The following CFDP1 variants were observed in gnomAD, a reference collection of about 807,000 sequenced individuals.
CFDP1 encodes chromatin remodeling protein CFDP1, also known as heterochromatin-stabilizing protein CFDP1.
CFDP1 carries 31 observed loss-of-function variants against 40.1 expected under a neutral mutation model. The ratio of observed to expected loss-of-function variants is 0.77; its 90% CI spans 0.58 to 1.04. The LOEUF is 1.04. Ranked by LOEUF, CFDP1 falls within the 50% of genes least tolerant of loss-of-function variation. The pLI is 0.00. For synonymous variants in CFDP1, 167 were observed against 120.0 expected, an observed-to-expected ratio of 1.39 and a Z score of -2.56; for missense variants, 423 against 343.4, an observed-to-expected ratio of 1.23 and a Z score of -1.83.
intron 5 of CFDP1, among the ~76,000 whole-genome samples, chr16:75,339,896 A>T (rs968776020): frequency 6.6e-6 from 1 of 152,190 alleles, no homozygotes; most frequent in Non-Finnish European, 1.5e-5. Flanking sequence ...TTCCTTAAAA[A>T]TCTTTAAATG....
chr16:75,412,573 C>T lies in CFDP1; in HGVS notation c.364G>A (p.Gly122Arg). 1 of 1,614,104 alleles carries T rather than the reference C, an allele frequency of 6.2e-7. No homozygotes were observed. The highest frequency in any genetic ancestry group is 1.3e-5 in the African/African-American group (1 of 75,040). The change falls in exon 3 of 7, where the codon GGA (glycine) becomes AGA (arginine). Residue 122 changes from glycine to arginine, a missense_variant. By Grantham distance (125) the Gly-to-Arg change is moderately radical (BLOSUM62 -2). Transcript: ENST00000283882. ...ELWASFLNDVGPKSKVPPSTQ... is the reference protein window; with the variant it reads ...ELWASFLNDVRPKSKVPPSTQ... ...CTTGGGGGCACTTTTGATTTTGGTC[C>T]CACATCATTGAGGAAGCTGGCCCAG...
At chr16:75,363,636 G>T (rs8060955) in intron 5 of CFDP1, among the ~76,000 whole-genome samples, 78,693 of 151,814 alleles carry the variant, frequency 0.52, 21,470 homozygotes, top group Admixed American at 0.64. Context: ...CCTCAAATGA[G>T]CCACCCACCT....
chr16:75,367,833 G>A (rs1286185080), intron 5 of CFDP1, among the ~76,000 whole-genome samples: 4 of 150,774 alleles, frequency 2.7e-5, no homozygotes, highest in Admixed American at 1.3e-4. Flanking sequence ...GACCGGATAT[G>A]GTGGCTCACG....
chr16:75,395,650 C>T (rs2078990376), intron 4 of CFDP1, among the ~76,000 whole-genome samples: 1 of 152,006 alleles, frequency 6.6e-6, no homozygotes, highest in African/African-American at 2.4e-5. Flanking sequence ...CAGCACGAGA[C>T]ACCGTCTCAA....
At chr16:75,397,160 C>A (rs1432252057) in intron 4 of CFDP1, among the ~76,000 whole-genome samples, 2 of 151,690 alleles carry the variant, frequency 1.3e-5, no homozygotes, top group Admixed American at 1.3e-4. Flanking sequence ...GTGATCTGCC[C>A]GCCTTGGCCT....
At chr16:75,384,444 G>A (rs974011243) in intron 5 of CFDP1, among the ~76,000 whole-genome samples, 5 of 152,118 alleles carry the variant, frequency 3.3e-5, no homozygotes, top group South Asian at 2.1e-4. Context: ...TACAATGATC[G>A]TGGAGAAATG....
chr16:75,363,530 G>C (rs2151533315), intron 5 of CFDP1, among the ~76,000 whole-genome samples: 2 of 151,916 alleles, frequency 1.3e-5, no homozygotes, highest in South Asian at 2.1e-4. Context: ...CGAGTAGCTG[G>C]GATTATAGGT....
intron 5 of CFDP1, among the ~76,000 whole-genome samples, chr16:75,362,053 A>G (rs2078683173): frequency 6.6e-6 from 1 of 152,208 alleles, no homozygotes; most frequent in Non-Finnish European, 1.5e-5. Flanking sequence ...GAAGTTATTC[A>G]TTCGGAGATG....
intron 5 of CFDP1, among the ~76,000 whole-genome samples, chr16:75,346,440 G>C (rs1319835258): frequency 6.6e-6 from 1 of 151,586 alleles, no homozygotes; most frequent in Admixed American, 6.6e-5. Context: ...AAAATTAGCC[G>C]GGCGTGGTGG....
At chr16:75,413,293 G>A (rs923215558) in intron 2 of CFDP1, among the ~76,000 whole-genome samples, 11 of 152,152 alleles carry the variant, frequency 7.2e-5, no homozygotes, top group African/African-American at 2.4e-4. Context: ...GACAGGCCAG[G>A]CGCAGTGGCT....
chr16:75,364,041 T>C (rs1449478639), intron 5 of CFDP1, among the ~76,000 whole-genome samples: 1 of 151,546 alleles, frequency 6.6e-6, no homozygotes, highest in East Asian at 1.9e-4. Flanking sequence ...TTCATACTAG[T>C]GGGAACCTAA....
intron 4 of CFDP1, among the ~76,000 whole-genome samples, chr16:75,407,715 T>C (rs4887824): frequency 0.52 from 77,782 of 149,964 alleles, 21,236 homozygotes; most frequent in Admixed American, 0.64. Flanking sequence ...GCTTCCAGAA[T>C]TCCTTTTTCC....
intron 5 of CFDP1, among the ~76,000 whole-genome samples, chr16:75,318,039 T>G (rs1177883160): frequency 1.3e-5 from 2 of 152,016 alleles, no homozygotes; most frequent in African/African-American, 2.4e-5. Context: ...GAGAATTGCT[T>G]GAACTTGGGA....
chr16:75,393,078 T>C (rs1256092726), intron 5 of CFDP1, among the ~76,000 whole-genome samples: 1 of 152,190 alleles, frequency 6.6e-6, no homozygotes, highest in Non-Finnish European at 1.5e-5. Flanking sequence ...CACGTGCAGC[T>C]CACAGCCTGA....
intron 5 of CFDP1, among the ~76,000 whole-genome samples, chr16:75,323,347 C>T (rs1328014110): frequency 6.6e-6 from 1 of 151,830 alleles, no homozygotes; most frequent in African/African-American, 2.4e-5. Context: ...TCAAGAGCAA[C>T]GTGTCTGGAG....
intron 6 of CFDP1, among the ~76,000 whole-genome samples, chr16:75,298,074 C>T (rs1413610678): frequency 6.6e-6 from 1 of 152,146 alleles, no homozygotes; most frequent in Non-Finnish European, 1.5e-5. Flanking sequence ...GTTTCAAGCA[C>T]AAAATTATTT....
intron 5 of CFDP1, among the ~76,000 whole-genome samples, chr16:75,382,191 A>C (rs962057562): frequency 3.9e-5 from 6 of 152,014 alleles, no homozygotes; most frequent in African/African-American, 1.4e-4. Context: ...ATAGAGTACC[A>C]TAATTAGATG....
intron 6 of CFDP1, among the ~76,000 whole-genome samples, chr16:75,295,016 T>C (rs759983713): frequency 2.0e-5 from 3 of 152,226 alleles, no homozygotes; most frequent in Non-Finnish European, 4.4e-5. Context: ...AATTAATCTA[T>C]GGAGAGAGCA....
chr16:75,343,592 C>T (rs935531925), intron 5 of CFDP1, among the ~76,000 whole-genome samples: 1 of 152,196 alleles, frequency 6.6e-6, no homozygotes, highest in Non-Finnish European at 1.5e-5. Flanking sequence ...GACACAAGGC[C>T]TCAGGGCACC....
Sources: gnomAD v4.1 joint callset for allele counts (sites outside exome capture counted in the v4.1 genomes callset) on GRCh38, gnomAD v4.1.1 for gene constraint, MANE v1.5 for transcripts, NCBI Gene and HGNC (gene_info 2026-07-23, HGNC 2026-07-21) for gene names.